EIF4G3: variants seen among roughly 807,000 people sequenced by gnomAD.
EIF4G3 encodes eukaryotic translation initiation factor 4 gamma 3, also known as eIF-4-gamma 3.
Under a neutral mutation model 186.4 loss-of-function variants are expected in EIF4G3, and 34 were observed. The observed-to-expected ratio is 0.18, with a 90% CI of 0.14 to 0.24. The LOEUF (loss-of-function observed/expected upper bound fraction) is 0.24. EIF4G3 is among the 10% of genes least tolerant of loss of function. The pLI is 1.00. For missense variants in EIF4G3, 1,536 were observed against 1,948.5 expected, an observed-to-expected ratio of 0.79 and a Z score of 3.99; for synonymous variants, 673 against 679.5, an observed-to-expected ratio of 0.99 and a Z score of 0.15.
intron 14 of EIF4G3, among the ~76,000 whole-genome samples, chr1:20,925,195 A>T (rs759870890): frequency 2.7e-4 from 41 of 152,224 alleles, no homozygotes; most frequent in Non-Finnish European, 5.1e-4. Context: ...TGGCTTTAAA[A>T]TTAGAGTAAA....
chr1:21,010,453 A>G (rs2086710225), intron 4 of EIF4G3, among the ~76,000 whole-genome samples: 1 of 151,660 alleles, frequency 6.6e-6, no homozygotes, highest in Non-Finnish European at 1.5e-5. Context: ...AGAAAAAGAA[A>G]GAAAAAGAAA....
At chr1:21,081,039 G>A (rs567924388) in intron 3 of EIF4G3, among the ~76,000 whole-genome samples, 1 of 152,322 alleles carries the variant, frequency 6.6e-6, no homozygotes, top group South Asian at 2.1e-4. Flanking sequence ...GCCAATATAA[G>A]AAAGTTATCA....
chr1:20,850,025 G>A (rs973968164), intron 28 of EIF4G3, among the ~76,000 whole-genome samples: 2 of 152,020 alleles, frequency 1.3e-5, no homozygotes, highest in South Asian at 2.1e-4. Context: ...CTGGTCCTTC[G>A]GATGAAGGAA....
At chr1:21,128,142 G>T (rs1379413196) in intron 2 of EIF4G3, among the ~76,000 whole-genome samples, 1 of 151,806 alleles carries the variant, frequency 6.6e-6, no homozygotes, top group East Asian at 1.9e-4. Flanking sequence ...GGGAGGTGGA[G>T]CTTGCAGTGA....
At chr1:20,915,622 A>G (rs1283945957) in intron 14 of EIF4G3, among the ~76,000 whole-genome samples, 2 of 152,244 alleles carry the variant, frequency 1.3e-5, no homozygotes, top group Non-Finnish European at 2.9e-5. Context: ...AAAAAAAACC[A>G]TATGATTTAC....
intron 29 of EIF4G3, among the ~76,000 whole-genome samples, chr1:20,845,473 T>C (rs1255685040): frequency 2.0e-5 from 3 of 152,190 alleles, no homozygotes; most frequent in South Asian, 2.1e-4. Flanking sequence ...CCATCCTGGC[T>C]AACACCGTGA....
At chr1:21,055,293 T>C (rs910360733) in intron 3 of EIF4G3, among the ~76,000 whole-genome samples, 8 of 152,038 alleles carry the variant, frequency 5.3e-5, no homozygotes, top group Non-Finnish European at 1.0e-4. Flanking sequence ...TACAGTGAAA[T>C]AAAGTGAAAA....
chr1:20,839,329 T>A (rs950444230), intron 30 of EIF4G3, among the ~76,000 whole-genome samples: 1 of 152,040 alleles, frequency 6.6e-6, no homozygotes, highest in Non-Finnish European at 1.5e-5. Context: ...TTCAGGCTGG[T>A]CTCGAACTCC....
At chr1:21,079,958 C>T (rs954027478) in intron 3 of EIF4G3, among the ~76,000 whole-genome samples, 11 of 151,488 alleles carry the variant, frequency 7.3e-5, no homozygotes, top group Non-Finnish European at 1.3e-4. Context: ...TCGAGACCAG[C>T]CTGGCCAACA....
intron 12 of EIF4G3, among the ~76,000 whole-genome samples, chr1:20,953,530 A>T (rs1028357537): frequency 1.3e-5 from 2 of 152,220 alleles, no homozygotes; most frequent in Non-Finnish European, 2.9e-5. Flanking sequence ...TTTTAAAAAC[A>T]TAATGTTTAC....
At chr1:20,889,083 G>C (rs564739516) in intron 18 of EIF4G3, among the ~76,000 whole-genome samples, 3 of 152,178 alleles carry the variant, frequency 2.0e-5, no homozygotes, top group African/African-American at 7.2e-5. Flanking sequence ...TCTTTTTTCA[G>C]GTGACGTTAA....
chr1:21,068,821 A>G (rs1411031614), intron 3 of EIF4G3, among the ~76,000 whole-genome samples: 1 of 152,200 alleles, frequency 6.6e-6, no homozygotes, highest in African/African-American at 2.4e-5. Flanking sequence ...TATCTGAAAA[A>G]TTTGGAACCA....
At chr1:20,871,008 C>T (rs553705633) in intron 20 of EIF4G3, among the ~76,000 whole-genome samples, 2 of 152,188 alleles carry the variant, frequency 1.3e-5, no homozygotes, top group East Asian at 3.9e-4. Flanking sequence ...TACAGAGCAA[C>T]GAGGGAAAGC....
rs957371390 is a variant in EIF4G3, at chr1:20,981,519, A to G, written c.199-292T>C. ...ATGTATACGCACATACTGTATATATACATACATACATGTATACGCACATAC... is the reference window on the plus strand; with the variant it reads ...ATGTATACGCACATACTGTATATATGCATACATACATGTATACGCACATAC... On this transcript the variant is annotated intron_variant, in intron 8 of 36. Coordinates refer to ENST00000602326, the MANE Select transcript of EIF4G3 (RefSeq NM_001391906.1). Among the ~76,000 whole-genome samples the G allele has an allele frequency of 9.2e-4, 55 of 59,748 alleles. 1 individual carries two copies. Among genetic ancestry groups the G allele is most frequent in the Non-Finnish European group, 1.7e-3 (41 of 24,604 alleles). The allele number at this position is 59,748 out of a possible 152,430, so 39.2% of individuals were successfully genotyped here.
At chr1:20,982,963 A>C (rs2078629494) in intron 7 of EIF4G3, among the ~76,000 whole-genome samples, 1 of 152,210 alleles carries the variant, frequency 6.6e-6, no homozygotes, top group African/African-American at 2.4e-5. Context: ...TAACAATCTT[A>C]AAATGTGGTC....
chr1:21,145,356 C>T (rs2097420977), intron 2 of EIF4G3, among the ~76,000 whole-genome samples: 1 of 151,738 alleles, frequency 6.6e-6, no homozygotes, highest in South Asian at 2.1e-4. Context: ...TAGGGTTTAA[C>T]TCTCAAGTTT....
At chr1:21,062,085 G>T (rs1408132405) in intron 3 of EIF4G3, among the ~76,000 whole-genome samples, 1 of 151,568 alleles carries the variant, frequency 6.6e-6, no homozygotes. Context: ...CTGAGGCAGG[G>T]TCTTGCTCTG....
At chr1:21,035,741 G>A (rs1440633360) in intron 4 of EIF4G3, among the ~76,000 whole-genome samples, 2 of 152,242 alleles carry the variant, frequency 1.3e-5, no homozygotes, top group Non-Finnish European at 2.9e-5. Context: ...GGCAGTGGTG[G>A]GAGGCAAATG....
intron 8 of EIF4G3, among the ~76,000 whole-genome samples, chr1:20,982,184 G>A (rs2078437453): frequency 6.6e-6 from 1 of 152,194 alleles, no homozygotes; most frequent in Non-Finnish European, 1.5e-5. Flanking sequence ...CCTAAGAATG[G>A]TCTGGAATCA....
Sources: allele counts gnomAD v4.1 joint callset (sites outside exome capture counted in the v4.1 genomes callset), GRCh38; gene constraint gnomAD v4.1.1; transcripts MANE v1.5; gene names NCBI Gene and HGNC (gene_info 2026-07-23, HGNC 2026-07-21).